DNAJC13: variants seen among roughly 807,000 people sequenced by gnomAD.
The protein encoded by DNAJC13 is dnaJ homolog subfamily C member 13.
In DNAJC13, 75 loss-of-function variants were observed where a neutral mutation model predicts 290.5. That is an observed-to-expected ratio of 0.26 (90% CI 0.21 to 0.31). DNAJC13 has a LOEUF of 0.31. Among genes scored for constraint, DNAJC13 ranks in the 10% least tolerant of loss-of-function variants. The pLI is 1.00. For missense variants in DNAJC13, 2,260 were observed against 2,674.5 expected (o/e 0.85, Z 3.42); for synonymous variants, 862 against 892.0 (o/e 0.97, Z 0.60).
intron 38 of DNAJC13, 93 bp from the exon 39 acceptor site, chr3:132,500,701 T>C (rs1935380127): frequency 6.5e-7 from 1 of 1,535,646 alleles, no homozygotes; most frequent in Admixed American, 1.8e-5. Flanking sequence ...TTAAGCATTA[T>C]TCACAAATTT....
chr3:132,428,169 T>C (rs1378241319), intron 1 of DNAJC13, among the ~76,000 whole-genome samples: 1 of 152,220 alleles, frequency 6.6e-6, no homozygotes, highest in Non-Finnish European at 1.5e-5. Flanking sequence ...ATCTTGAAAT[T>C]ATTCTACCTC....
chr3:132,498,789 C>T (rs924203017), intron 36 of DNAJC13, among the ~76,000 whole-genome samples: 2 of 151,962 alleles, frequency 1.3e-5, no homozygotes, highest in Non-Finnish European at 2.9e-5. Flanking sequence ...CATCTCCACT[C>T]ACTGCAAGCT....
At chr3:132,443,874 T>G (rs74966773) in intron 2 of DNAJC13, among the ~76,000 whole-genome samples, 15,035 of 152,222 alleles carry the variant, frequency 0.099, 1,347 homozygotes, top group East Asian at 0.5. Flanking sequence ...ATCCTTTTGC[T>G]GAGGGATCCA....
At chr3:132,471,425 C>T (rs1363748065) in intron 20 of DNAJC13, among the ~76,000 whole-genome samples, 50 of 141,866 alleles carry the variant, frequency 3.5e-4, no homozygotes, top group African/African-American at 3.8e-4. Flanking sequence ...GGCTGCCGGG[C>T]GGAGAGGCTC....
chr3:132,427,426 C>T (rs989292286), intron 1 of DNAJC13, among the ~76,000 whole-genome samples: 3 of 152,006 alleles, frequency 2.0e-5, no homozygotes, highest in African/African-American at 4.8e-5. Flanking sequence ...CGTGAGCCAT[C>T]GCACCCGGCA....
At chr3:132,536,193 G>C (rs1349613257) in intron 55 of DNAJC13, among the ~76,000 whole-genome samples, 2 of 152,140 alleles carry the variant, frequency 1.3e-5, no homozygotes, top group Non-Finnish European at 2.9e-5. Context: ...TCAGCAGATG[G>C]CGCTGTGTTT....
At position 132,456,797 on chromosome 3, in the gene DNAJC13, C is replaced by A; in HGVS notation, c.1314C>A (p.Ser438=). The change falls in exon 12 of 56, where the codon TCC becomes TCA. Residue 438 remains serine, a synonymous_variant. Transcript: ENST00000260818. Reference sequence around the variant, plus strand: ...AGGCTGTGAGGAGGCTTGTGGCATCCAAAGCTGGTTTCCTGGCTTTCACTC... The same window carrying A: ...AGGCTGTGAGGAGGCTTGTGGCATCAAAAGCTGGTTTCCTGGCTTTCACTC... ...QFQAVRRLVA[S]KAGFLAFTQL... 6.2e-7 allele frequency: 1 copy of A among 1,613,016 alleles called. No individual in the cohort carries two copies. The highest frequency in any genetic ancestry group is 8.5e-7 in the Non-Finnish European group (1 of 1,179,642).
At chr3:132,513,794 AG>A (rs1029133776) in intron 45 of DNAJC13, among the ~76,000 whole-genome samples, 3 of 152,158 alleles carry the variant, frequency 2.0e-5, no homozygotes, top group African/African-American at 7.2e-5. Context: ...TTCTTTGCCC[AG>A]GCAACCGAGA....
At position 132,511,245 on chromosome 3, in the gene DNAJC13, G is replaced by T. The variant is rs778681633; in HGVS notation, c.5293+1G>T. ...AGAAATGTCATAAAATACAATCCAG[G>T]TATGTGACTACACCTTTGATCAATA... On this transcript the variant is annotated splice_donor_variant, in intron 44 of 55. Transcript: ENST00000260818. LOFTEE classifies it high-confidence loss of function. 3 of 1,613,440 alleles carry T rather than the reference G, an allele frequency of 1.9e-6. No individual in the cohort carries two copies. Among genetic ancestry groups the T allele is most frequent in the African/African-American group, 2.7e-5 (2 of 74,798 alleles).
At chr3:132,443,272 C>T (rs1933130349) in intron 2 of DNAJC13, among the ~76,000 whole-genome samples, 1 of 152,194 alleles carries the variant, frequency 6.6e-6, no homozygotes, top group South Asian at 2.1e-4. Context: ...CCTGCCTCAG[C>T]CTCCTGAGTA....
chr3:132,512,862 TC>T, intron 44 of DNAJC13, 145 bp from the exon 45 acceptor site: 1 of 657,236 alleles, frequency 1.5e-6, no homozygotes, highest in East Asian at 2.8e-5. Context: ...TCCTTAGAGG[TC>T]CTCCACTTAC....
chr3:132,466,800 G>GT (rs1333833668), intron 19 of DNAJC13, among the ~76,000 whole-genome samples: 6 of 152,060 alleles, frequency 3.9e-5, no homozygotes, highest in Admixed American at 6.6e-5. Context: ...TATAGGTAGG[G>GT]TTTTTTTCCT....
intron 48 of DNAJC13, among the ~76,000 whole-genome samples, chr3:132,522,131 G>C (rs1199084528): frequency 6.6e-6 from 1 of 152,144 alleles, no homozygotes; most frequent in Non-Finnish European, 1.5e-5. Flanking sequence ...CAATGAGTAA[G>C]AAAGATTGGG....
Position 132,482,350 on chromosome 3 carries a change from T to C in DNAJC13, c.2979+20T>C. 3.8e-6 allele frequency: 6 copies of C among 1,596,814 alleles called. No individual in the cohort carries two copies. Among genetic ancestry groups the C allele is most frequent in the Non-Finnish European group, 4.3e-6 (5 of 1,165,864 alleles). On this transcript the variant is annotated intron_variant, in intron 27 of 55. Transcript: ENST00000260818. ...CATGAGGTATGTATCTTGGAGATAC[T>C]TTTGGTGAAGGTCTCAGCATTTCTT...
intron 41 of DNAJC13, among the ~76,000 whole-genome samples, chr3:132,504,742 T>C (rs1171663372): frequency 6.6e-6 from 1 of 152,160 alleles, no homozygotes; most frequent in Non-Finnish European, 1.5e-5. Flanking sequence ...TGAGGAGAGC[T>C]CAACAATAGG....
At chr3:132,505,888 T>C (rs1007770367) in intron 42 of DNAJC13, among the ~76,000 whole-genome samples, 1 of 152,058 alleles carries the variant, frequency 6.6e-6, no homozygotes, top group Non-Finnish European at 1.5e-5. Flanking sequence ...GATAATTATG[T>C]GTGTGGCTTT....
chr3:132,428,415 C>T (rs536980093), intron 1 of DNAJC13, among the ~76,000 whole-genome samples: 9 of 152,172 alleles, frequency 5.9e-5, no homozygotes, highest in Non-Finnish European at 8.8e-5. Flanking sequence ...ATTACACTGC[C>T]GGGAAATAGA....
At chr3:132,524,371 G>A (rs1328655997) in intron 51 of DNAJC13, among the ~76,000 whole-genome samples, 1 of 152,214 alleles carries the variant, frequency 6.6e-6, no homozygotes, top group Non-Finnish European at 1.5e-5. Context: ...AGGTGATTAA[G>A]AGCCTGAGTG....
Position 132,419,662 on chromosome 3 carries a change from C to T in DNAJC13, c.-14+1902C>T, listed in dbSNP as rs529649308. ...AGGTTTCTGCTACACATACCTTTCC[C>T]CTGCTTCTGATTGAGGTACTTTAAA... is the stretch of plus-strand genomic sequence containing the variant. On this transcript the variant is annotated intron_variant, in intron 1 of 55. Coordinates refer to ENST00000260818, the MANE Select transcript of DNAJC13 (RefSeq NM_015268.4). 2.4e-3 allele frequency among the ~76,000 whole-genome samples: 373 copies of T among 152,280 alleles called. 2 individuals carry two copies. The highest frequency in any genetic ancestry group is 8.5e-3 in the African/African-American group (355 of 41,558).
Sources: gnomAD v4.1 joint callset for allele counts (sites outside exome capture counted in the v4.1 genomes callset) on GRCh38, gnomAD v4.1.1 for gene constraint, MANE v1.5 for transcripts, NCBI Gene and HGNC (gene_info 2026-07-23, HGNC 2026-07-21) for gene names.